Variants in HECTD4 observed in about 807,000 individuals in gnomAD.
HECTD4 encodes the protein HECT domain E3 ubiquitin protein ligase 4.
In HECTD4, 114 loss-of-function variants were observed where a neutral mutation model predicts 471.5. The ratio of observed to expected loss-of-function variants is 0.24; its 90% CI spans 0.21 to 0.28. HECTD4 has a LOEUF of 0.28. Ranked by LOEUF, HECTD4 falls within the 10% of genes least tolerant of loss-of-function variation. HECTD4 has a pLI of 1.00. For synonymous variants in HECTD4, 2,012 were observed against 2,256.0 expected, an observed-to-expected ratio of 0.89 and a Z score of 3.07; for missense variants, 3,866 against 5,651.5, an observed-to-expected ratio of 0.68 and a Z score of 10.13.
intron 1 of HECTD4, among the ~76,000 whole-genome samples, chr12:112,334,379 G>C (rs1026522062): frequency 2.0e-5 from 3 of 149,088 alleles, no homozygotes; most frequent in African/African-American, 7.4e-5. Context: ...GACATGAATA[G>C]ACAATTCTCA....
intron 1 of HECTD4, among the ~76,000 whole-genome samples, chr12:112,351,550 C>G (rs1031384463): frequency 3.3e-5 from 5 of 152,172 alleles, no homozygotes; most frequent in African/African-American, 9.7e-5. Flanking sequence ...AAAGACAAAT[C>G]TATAAATTTC....
intron 10 of HECTD4, 96 bp from the exon 11 acceptor site, chr12:112,273,891 G>GCT (rs2034469622): frequency 7.1e-7 from 1 of 1,417,988 alleles, no homozygotes; most frequent in African/African-American, 1.4e-5. Flanking sequence ...GGGCAAGGAT[G>GCT]CTCTCTAATG....
At chr12:112,334,315 A>T (rs1389926172) in intron 1 of HECTD4, among the ~76,000 whole-genome samples, 1 of 151,526 alleles carries the variant, frequency 6.6e-6, no homozygotes, top group African/African-American at 2.4e-5. Context: ...TCTACAGTGA[A>T]CTCAAACAAA....
intron 40 of HECTD4, among the ~76,000 whole-genome samples, chr12:112,230,486 T>A (rs1211995609): frequency 6.6e-6 from 1 of 152,094 alleles, no homozygotes; most frequent in African/African-American, 2.4e-5. Context: ...GTCTGCAAAA[T>A]GAGAACCGGG....
rs191129572 is a variant in HECTD4, at chr12:112,219,831, C to T, written c.6971-342G>A. On this transcript the variant is annotated intron_variant, in intron 44 of 75. Transcript: ENST00000682272. ...GCCAGGCTGGTCTCGAACTCCTGACCTCAGGTGATCCGCCTGCCTCAGCCT... is the reference window on the plus strand; with the variant it reads ...GCCAGGCTGGTCTCGAACTCCTGACTTCAGGTGATCCGCCTGCCTCAGCCT... Among the ~76,000 whole-genome samples the T allele has an allele frequency of 5.3e-4, 80 of 151,890 alleles. No homozygotes were observed. The East Asian group carries it at 9.5e-3, about 18-fold the overall frequency.
chr12:112,311,833 GAAGT>G (rs2035378288), intron 4 of HECTD4, among the ~76,000 whole-genome samples: 1 of 152,158 alleles, frequency 6.6e-6, no homozygotes, highest in Non-Finnish European at 1.5e-5. Flanking sequence ...TCTATATTAA[GAAGT>G]AAGTTGGAGC....
intron 1 of HECTD4, among the ~76,000 whole-genome samples, chr12:112,356,593 C>A (rs528917094): frequency 6.6e-6 from 1 of 152,204 alleles, no homozygotes; most frequent in South Asian, 2.1e-4. Flanking sequence ...CGTGCACCAC[C>A]ATGCCCAGCT....
rs1387906267 is a variant in HECTD4, at chr12:112,173,130, C to T, written c.11595-269G>A. ...CCACCCATGCCTCACTCCTGTGTGTCGGCAGCAGCACGTGAGGGTGAAGGA... is the reference window on the plus strand; with the variant it reads ...CCACCCATGCCTCACTCCTGTGTGTTGGCAGCAGCACGTGAGGGTGAAGGA... On this transcript the variant is annotated intron_variant, in intron 66 of 75. Transcript: ENST00000682272. This position sits in a 1 kb window ranked among gnomAD's most constrained non-coding sequence, Gnocchi z 4.3. 2.6e-5 allele frequency among the ~76,000 whole-genome samples: 4 copies of T among 152,164 alleles called. No homozygotes were observed. The highest frequency in any genetic ancestry group is 4.8e-5 in the African/African-American group (2 of 41,434).
intron 13 of HECTD4, among the ~76,000 whole-genome samples, chr12:112,268,536 A>AC (rs1471444999): frequency 1.3e-5 from 2 of 152,146 alleles, no homozygotes; most frequent in Non-Finnish European, 1.5e-5. Context: ...TGGGTGGATC[A>AC]CCTGAGGTCA....
intron 72 of HECTD4, among the ~76,000 whole-genome samples, chr12:112,164,597 A>G (rs901034139): frequency 3.3e-5 from 5 of 150,882 alleles, no homozygotes; most frequent in South Asian, 2.1e-4. Context: ...GCGCTGGGAG[A>G]GACTGCTTGA....
At position 112,163,074 on chromosome 12, in the gene HECTD4, G is replaced by A; in HGVS notation, c.13088C>T (p.Pro4363Leu). 1 of 1,613,542 alleles carries A rather than the reference G, an allele frequency of 6.2e-7. No homozygotes were observed. The highest frequency in any genetic ancestry group is 1.1e-5 in the South Asian group (1 of 91,052). ...GPDTAHVPPYPMKIAPPDGTA... is the reference protein window; with the variant it reads ...GPDTAHVPPYLMKIAPPDGTA... ...GCCATCTGGGGGGGCGATCTTCATG[G>A]GGTACGGGGGCACATGGGCAGTGTC... is the stretch of plus-strand genomic sequence containing the variant. The change falls in exon 75 of 76, where the codon CCC becomes CTC. Residue 4363 changes from proline to leucine, a missense_variant. Pro to Leu is a moderately conservative substitution (Grantham distance 98). Transcript: ENST00000682272. The surrounding 1 kb of genome is among the most constrained non-coding windows in gnomAD (Gnocchi z 8.2).
At chr12:112,313,856 C>T (rs2035421400) in intron 3 of HECTD4, among the ~76,000 whole-genome samples, 1 of 152,090 alleles carries the variant, frequency 6.6e-6, no homozygotes, top group Admixed American at 6.6e-5. Flanking sequence ...GTAAAATATA[C>T]TATTTTATGT....
intron 32 of HECTD4, among the ~76,000 whole-genome samples, chr12:112,241,129 G>C (rs191368059): frequency 4.1e-4 from 62 of 152,316 alleles, no homozygotes; most frequent in Admixed American, 4.1e-3. Flanking sequence ...GTTATTTTAA[G>C]AGGGTGTACT....
At chr12:112,226,845 T>C in intron 43 of HECTD4, 87 bp from the exon 44 acceptor site, 1 of 974,496 alleles carries the variant, frequency 1.0e-6, no homozygotes. Context: ...TCAATCAATT[T>C]TGCCCCCCAG....
intron 17 of HECTD4, among the ~76,000 whole-genome samples, chr12:112,262,472 C>T (rs192539417): frequency 3.7e-5 from 5 of 134,830 alleles, no homozygotes; most frequent in Middle Eastern, 4.3e-3. Flanking sequence ...GCCGAGATTG[C>T]ACCACGGCTC....
At chr12:112,210,511 A>G (rs996965876) in intron 49 of HECTD4, among the ~76,000 whole-genome samples, 1 of 152,064 alleles carries the variant, frequency 6.6e-6, no homozygotes, top group Non-Finnish European at 1.5e-5. Context: ...CTTGTTTCCA[A>G]CACTGCTCCT....
intron 45 of HECTD4, 129 bp from the exon 46 acceptor site, chr12:112,217,324 C>T (rs1263781191): frequency 5.6e-6 from 3 of 537,964 alleles, no homozygotes; most frequent in South Asian, 4.8e-5. Context: ...CACATACACA[C>T]ACACACACAC....
chr12:112,228,639 C>T lies in HECTD4; in HGVS notation c.6684+8G>A. On this transcript the variant is annotated splice_region_variant and intron_variant, in intron 42 of 75. Coordinates refer to ENST00000682272, the MANE Select transcript of HECTD4 (RefSeq NM_001388303.1). The surrounding 1 kb of genome is among the most constrained non-coding windows in gnomAD (Gnocchi z 4.9). ...GACATTTTACAAAGCATTTAAAAAT[C>T]ACCTTACCTCTGATCTTGGAACACA... The T allele has an allele frequency of 6.3e-7, 1 of 1,595,662 alleles. No individual in the cohort carries two copies. The highest frequency in any genetic ancestry group is 8.5e-7 in the Non-Finnish European group (1 of 1,173,550).
intron 1 of HECTD4, among the ~76,000 whole-genome samples, chr12:112,353,512 CTG>C (rs2135739715): frequency 6.6e-6 from 1 of 152,190 alleles, no homozygotes; most frequent in African/African-American, 2.4e-5. Context: ...TCAACAATGA[CTG>C]GTTGAATAGA....
Sources: allele counts gnomAD v4.1 joint callset (sites outside exome capture counted in the v4.1 genomes callset), GRCh38; gene constraint gnomAD v4.1.1; non-coding constraint Gnocchi (gnomAD v3.1); transcripts MANE v1.5; gene names NCBI Gene and HGNC (gene_info 2026-07-23, HGNC 2026-07-21).